GRID2: variants seen among roughly 807,000 people sequenced by gnomAD.
GRID2 encodes the protein glutamate receptor ionotropic, delta-2.
GRID2 carries 33 observed loss-of-function variants against 114.8 expected under a neutral mutation model. The ratio of observed to expected loss-of-function variants is 0.29; its 90% CI spans 0.22 to 0.38. The LOEUF is 0.38. GRID2 is among the 10% of genes least tolerant of loss of function. The probability of loss-of-function intolerance (pLI) is 1.00; values close to 1 mark genes in which losing one functional copy is unlikely to be tolerated. For missense variants in GRID2, 1,184 were observed against 1,257.7 expected, an observed-to-expected ratio of 0.94 and a Z score of 0.89; for synonymous variants, 505 against 449.9, an observed-to-expected ratio of 1.12 and a Z score of -1.55.
chr4:92,488,398 C>T (rs1014807042), intron 1 of GRID2, among the ~76,000 whole-genome samples: 4 of 152,292 alleles, frequency 2.6e-5, no homozygotes, highest in African/African-American at 9.6e-5. Context: ...AAACTTAGCA[C>T]TCATTCACAA....
At chr4:92,315,993 C>CAAAAAAAA (rs778361565) in intron 1 of GRID2, among the ~76,000 whole-genome samples, 296 of 61,704 alleles carry the variant, frequency 4.8e-3, no homozygotes, top group Middle Eastern at 0.018. Context: ...AAACAAAAAG[C>CAAAAAAAA]AAAAAAAAAA....
intron 9 of GRID2, among the ~76,000 whole-genome samples, chr4:93,417,192 A>T (rs888366965): frequency 1.3e-4 from 20 of 152,094 alleles, no homozygotes; most frequent in African/African-American, 3.6e-4. Context: ...TATGTTAAAT[A>T]GGCACAAGCC....
chr4:92,943,011 T>C (rs1175398884), intron 2 of GRID2, among the ~76,000 whole-genome samples: 1 of 152,230 alleles, frequency 6.6e-6, no homozygotes, highest in Non-Finnish European at 1.5e-5. Flanking sequence ...CTTTATTTCC[T>C]TCATTTCAGC....
At chr4:93,222,475 T>A (rs1052447119) in intron 6 of GRID2, among the ~76,000 whole-genome samples, 38 of 150,634 alleles carry the variant, frequency 2.5e-4, no homozygotes, top group Non-Finnish European at 4.0e-4. Context: ...ATATATATAT[T>A]TTTATTATAC....
chr4:93,100,026 G>C (rs570334577), intron 3 of GRID2, among the ~76,000 whole-genome samples: 34 of 151,930 alleles, frequency 2.2e-4, no homozygotes, highest in African/African-American at 7.2e-4. Flanking sequence ...CTACTTTCCA[G>C]CTTTCAGTTG....
intron 2 of GRID2, among the ~76,000 whole-genome samples, chr4:92,815,067 TA>T: frequency 6.6e-6 from 1 of 152,160 alleles, no homozygotes; most frequent in Non-Finnish European, 1.5e-5. Flanking sequence ...TATACTTGTT[TA>T]TTGACTCTTT....
At chr4:92,512,400 G>A (rs1015513513) in intron 1 of GRID2, among the ~76,000 whole-genome samples, 1 of 151,730 alleles carries the variant, frequency 6.6e-6, no homozygotes, top group Admixed American at 6.6e-5. Context: ...GGATATATAC[G>A]ATTATTTTAA....
intron 2 of GRID2, among the ~76,000 whole-genome samples, chr4:92,714,390 C>T (rs1181741642): frequency 6.6e-6 from 1 of 152,176 alleles, no homozygotes; most frequent in Non-Finnish European, 1.5e-5. Flanking sequence ...GCAGCTTTTC[C>T]AGGCACATTA....
At chr4:92,841,011 C>T (rs1161405756) in intron 2 of GRID2, among the ~76,000 whole-genome samples, 1 of 151,984 alleles carries the variant, frequency 6.6e-6, no homozygotes, top group Non-Finnish European at 1.5e-5. Context: ...CCCAACTTAT[C>T]TTGATTCCAA....
intron 2 of GRID2, among the ~76,000 whole-genome samples, chr4:92,972,900 C>T (rs1336811341): frequency 6.6e-6 from 1 of 152,036 alleles, no homozygotes; most frequent in Admixed American, 6.6e-5. Flanking sequence ...AGATAATGAC[C>T]TCCAGCTCTA....
chr4:92,332,345 G>A (rs1331985553), intron 1 of GRID2, among the ~76,000 whole-genome samples: 1 of 151,974 alleles, frequency 6.6e-6, no homozygotes, highest in Non-Finnish European at 1.5e-5. Flanking sequence ...CTCATAATCA[G>A]CATTAGATCA....
intron 2 of GRID2, among the ~76,000 whole-genome samples, chr4:92,853,009 T>C (rs1400365917): frequency 1.3e-5 from 2 of 152,042 alleles, no homozygotes; most frequent in African/African-American, 4.8e-5. Flanking sequence ...TTTCTTATAA[T>C]GTGCTTGGTC....
At chr4:93,555,115 G>A (rs1331985844) in intron 13 of GRID2, among the ~76,000 whole-genome samples, 1 of 152,174 alleles carries the variant, frequency 6.6e-6, no homozygotes, top group Non-Finnish European at 1.5e-5. Flanking sequence ...GCAACCTGCA[G>A]ACCAGGAGAT....
rs551001948 is a variant in GRID2, at chr4:92,465,204, A to G, written c.89-124927A>G. Reference sequence around the variant, plus strand: ...CAGATATCAAAGCAAGTGATTCATAAAAGTTGAGATTCCTGGGCCGAGTTT... The same window carrying G: ...CAGATATCAAAGCAAGTGATTCATAGAAGTTGAGATTCCTGGGCCGAGTTT... On this transcript the variant is annotated intron_variant, in intron 1 of 15. Transcript: ENST00000282020. 6.6e-5 allele frequency among the ~76,000 whole-genome samples: 10 copies of G among 152,138 alleles called. 1 individual carries two copies. The South Asian group carries it at 1.7e-3, about 25-fold the overall frequency.
intron 8 of GRID2, among the ~76,000 whole-genome samples, chr4:93,391,937 G>T (rs1020213641): frequency 6.6e-6 from 1 of 152,072 alleles, no homozygotes; most frequent in Non-Finnish European, 1.5e-5. Context: ...GCATTTTAAG[G>T]TCTTAAAATG....
chr4:93,040,298 AG>A (rs1474852830), intron 2 of GRID2, among the ~76,000 whole-genome samples: 65 of 151,706 alleles, frequency 4.3e-4, no homozygotes, highest in African/African-American at 1.3e-3. Context: ...AAAAAAAAAA[AG>A]AAAGAAAACA....
intron 2 of GRID2, among the ~76,000 whole-genome samples, chr4:92,990,675 A>T (rs1187655303): frequency 6.6e-6 from 1 of 152,070 alleles, no homozygotes; most frequent in Non-Finnish European, 1.5e-5. Context: ...TGCAAATATT[A>T]TACCCTGTAT....
chr4:92,513,279 CTTGAAA>C (rs1225777987), intron 1 of GRID2, among the ~76,000 whole-genome samples: 1 of 151,800 alleles, frequency 6.6e-6, no homozygotes, highest in Non-Finnish European at 1.5e-5. Context: ...ATTCTGGCAC[CTTGAAA>C]TTGATCAGTA....
intron 1 of GRID2, among the ~76,000 whole-genome samples, chr4:92,587,941 C>T (rs961244586): frequency 6.6e-6 from 1 of 152,130 alleles, no homozygotes; most frequent in African/African-American, 2.4e-5. Flanking sequence ...TTAGAACCCA[C>T]GACAACTTGA....
Sources: gnomAD v4.1 joint callset for allele counts (sites outside exome capture counted in the v4.1 genomes callset) on GRCh38, gnomAD v4.1.1 for gene constraint, MANE v1.5 for transcripts, NCBI Gene and HGNC (gene_info 2026-07-23, HGNC 2026-07-21) for gene names.